Variants in GTF2F1 observed in about 807,000 individuals in gnomAD.
The protein encoded by GTF2F1 is general transcription factor IIF 74 kDa subunit.
In GTF2F1, 39 loss-of-function variants were observed where a neutral mutation model predicts 63.5. The ratio of observed to expected loss-of-function variants is 0.61; its 90% confidence interval spans 0.48 to 0.80. The LOEUF (loss-of-function observed/expected upper bound fraction) is 0.80, where lower values mean the gene tolerates loss of function less well. Among genes scored for constraint, GTF2F1 ranks in the 30% least tolerant of loss-of-function variants. The pLI is 0.00. For missense variants in GTF2F1, 657 were observed against 718.3 expected, an observed-to-expected ratio of 0.91 and a Z score of 0.97; for synonymous variants, 287 against 285.3, an observed-to-expected ratio of 1.01 and a Z score of -0.06.
Position 6,383,432 on chromosome 19 carries a change from C to T in GTF2F1, c.561G>A (p.Gln187=). 1.9e-6 allele frequency: 3 copies of T among 1,614,222 alleles called. No homozygotes were observed. Among genetic ancestry groups the T allele is most frequent in the Non-Finnish European group, 2.5e-6 (3 of 1,180,038 alleles). Reference sequence around the variant, plus strand: ...TCTCCTTCTCCTCCTCATCCTCGTCCTGGTCCTGATCCTTGAGCCGCCGCT... The same window carrying T: ...TCTCCTTCTCCTCCTCATCCTCGTCTTGGTCCTGATCCTTGAGCCGCCGCT... ...MQQRRLKDQD[Q]DEDEEEKEKR... The change falls in exon 6 of 13, where the codon CAG becomes CAA. Residue 187 remains glutamine (Q), a synonymous_variant. Coordinates refer to ENST00000394456, the MANE Select transcript of GTF2F1 (RefSeq NM_002096.3). This position sits in a 1 kb window ranked among gnomAD's most constrained non-coding sequence, Gnocchi z 4.5.
rs778755795 is a variant in GTF2F1, at chr19:6,383,450, C to A, written c.543G>T (p.Arg181=). The A allele has an allele frequency of 6.2e-7, 1 of 1,614,172 alleles. No individual in the cohort carries two copies. Among genetic ancestry groups the A allele is most frequent in the Non-Finnish European group, 8.5e-7 (1 of 1,180,044 alleles). The change falls in exon 6 of 13, where the codon CGG becomes CGT. Residue 181 remains arginine (R), a synonymous_variant. Coordinates refer to ENST00000394456, the MANE Select transcript of GTF2F1 (RefSeq NM_002096.3). The surrounding 1 kb of genome is among the most constrained non-coding windows in gnomAD (Gnocchi z 4.5). The part of the protein sequence containing the change: ...LNHFSIMQQR[R]LKDQDQDEDE... ...CCTCGTCCTGGTCCTGATCCTTGAGCCGCCGCTGCTGCATGATGCTGAAGT... is the reference window on the plus strand; with the variant it reads ...CCTCGTCCTGGTCCTGATCCTTGAGACGCCGCTGCTGCATGATGCTGAAGT...
chr19:6,386,395 AACACAC>A lies in GTF2F1; in HGVS notation c.497+988_497+993del, dbSNP rs2091973953. Among the ~76,000 whole-genome samples the A allele has an allele frequency of 4.1e-5, 6 of 146,832 alleles. No individual in the cohort carries two copies. The South Asian group carries it at 6.8e-4, about 17-fold the overall frequency. On this transcript the variant is annotated intron_variant, in intron 5 of 12. Transcript: ENST00000394456. ...AAGAGCGAAACTCAGTTCAAAAAAAAACACACAAACAAACAAACAAACAAAAAAACA... is the reference window on the plus strand; with the variant it reads ...AAGAGCGAAACTCAGTTCAAAAAAAAAAACAAACAAACAAACAAAAAAACA...
rs528719561 is a variant in GTF2F1, at chr19:6,383,195, C to G, written c.682+116G>C. On this transcript the variant is annotated intron_variant, in intron 6 of 12. Transcript: ENST00000394456. The surrounding 1 kb of genome is among the most constrained non-coding windows in gnomAD (Gnocchi z 4.5). ...GGGATGACAGGCGTGAGCCACTGTG[C>G]CCGGCCCCACTTGCCTCTCATTCTA... 4.9e-5 allele frequency: 54 copies of G among 1,104,474 alleles called. No individual in the cohort carries two copies. The East Asian group carries it at 1.2e-3, about 25-fold the overall frequency. The allele number at this position is 1,104,474 out of a possible 1,614,324, so 68.4% of individuals were successfully genotyped here.
rs1398479666 is a variant in GTF2F1, at chr19:6,393,054, G to A, written c.-59C>T. On this transcript the variant is annotated 5_prime_UTR_variant, in exon 1 of 13. It adds an upstream start codon to the 5' untranslated region. Coordinates refer to ENST00000394456, the MANE Select transcript of GTF2F1 (RefSeq NM_002096.3). ...CCGGGTTCCTTTCGTCTCCTCTGGC[G>A]TGCGCGTCCCTCGATCCCGGGGAAG... The A allele has an allele frequency of 1.2e-5, 19 of 1,607,920 alleles. No homozygotes were observed. Among genetic ancestry groups the A allele is most frequent in the Non-Finnish European group, 1.5e-5 (18 of 1,176,910 alleles).
rs1043817579 is a variant in GTF2F1, at chr19:6,390,835, G to A, written c.132+1067C>T. On this transcript the variant is annotated intron_variant, in intron 3 of 12. Coordinates refer to ENST00000394456, the MANE Select transcript of GTF2F1 (RefSeq NM_002096.3). ...GTGGAGGTTGCAGTGAGCCCAGGTC[G>A]CGCCACTGCACTCCAGCCTGGATGA... Among the ~76,000 whole-genome samples the A allele has an allele frequency of 5.3e-5, 8 of 151,440 alleles. No individual in the cohort carries two copies. The East Asian group carries it at 5.8e-4, about 11-fold the overall frequency.
At position 6,389,642 on chromosome 19, in the gene GTF2F1, G is replaced by T; in HGVS notation, c.133-5C>A. 1.2e-6 allele frequency: 2 copies of T among 1,612,378 alleles called. No homozygotes were observed. Among genetic ancestry groups the T allele is most frequent in the Non-Finnish European group, 8.5e-7 (1 of 1,179,506 alleles). ...CAAGTCCCGCTCCAGCCGAGCCTAG[G>T]GGAGCAGGAAGCAAAGCCTCTCAGG... On this transcript the variant is annotated splice_region_variant and splice_polypyrimidine_tract_variant and intron_variant, in intron 3 of 12. Transcript: ENST00000394456.
chr19:6,382,751 T>G (rs749263718), intron 6 of GTF2F1, among the ~76,000 whole-genome samples: 7 of 149,436 alleles, frequency 4.7e-5, no homozygotes, highest in Non-Finnish European at 7.4e-5. Flanking sequence ...TAAGCTGTGA[T>G]TGTACCACTA....
Position 6,381,664 on chromosome 19 carries a change from T to TGGGGTC in GTF2F1, c.836+27_836+32dup. On this transcript the variant is annotated intron_variant, in intron 7 of 12. Transcript: ENST00000394456. The surrounding 1 kb of genome is among the most constrained non-coding windows in gnomAD (Gnocchi z 4.1). The stretch of plus-strand genomic sequence containing the variant: ...ATGAGCGCGCGCTCGCGAGGCTGCA[T>TGGGGTC]GGGGTCTCGCAGGCGCCTCCCGTCG... 6.2e-7 allele frequency: 1 copy of TGGGGTC among 1,614,056 alleles called. No homozygotes were observed. The highest frequency in any genetic ancestry group is 8.5e-7 in the Non-Finnish European group (1 of 1,180,016).
intron 6 of GTF2F1, among the ~76,000 whole-genome samples, chr19:6,382,346 A>C (rs1027692144): frequency 6.6e-6 from 1 of 151,988 alleles, no homozygotes; most frequent in African/African-American, 2.4e-5. Flanking sequence ...AAACACAAAA[A>C]TTAGGCCGGG....
At chr19:6,392,483 G>A in intron 2 of GTF2F1, 1 of 523,634 alleles carries the variant, frequency 1.9e-6, no homozygotes, top group African/African-American at 1.9e-5. Flanking sequence ...CACAGTTTAG[G>A]GGTTGAGGGG....
In GTF2F1 at chr19:6,383,828, G is replaced by A. The variant is rs912200309; in HGVS notation, c.498-333C>T. 6.6e-6 allele frequency among the ~76,000 whole-genome samples: 1 copy of A among 151,894 alleles called. No individual in the cohort carries two copies. On this transcript the variant is annotated intron_variant, in intron 5 of 12. Coordinates refer to ENST00000394456, the MANE Select transcript of GTF2F1 (RefSeq NM_002096.3). This position sits in a 1 kb window ranked among gnomAD's most constrained non-coding sequence, Gnocchi z 4.5. The stretch of plus-strand genomic sequence containing the variant: ...TTTTTATTTTCTGAGACAGAGTATC[G>A]CTCTGTCGCCCAGACTGGAGTGCAG...
intron 2 of GTF2F1, 56 bp downstream of exon 2, chr19:6,392,801 G>T (rs936972760): frequency 1.7e-5 from 26 of 1,534,994 alleles, no homozygotes; most frequent in Non-Finnish European, 2.1e-5. Context: ...AGAAGATCGT[G>T]AAGGTTTTCA....
chr19:6,387,612 C>A, intron 4 of GTF2F1, 53 bp from the exon 5 acceptor site: 1 of 1,298,410 alleles, frequency 7.7e-7, no homozygotes, highest in Non-Finnish European at 1.1e-6. Context: ...CCCAGCCCCC[C>A]CGTGTCCCCC....
Position 6,381,958 on chromosome 19 carries a change from C to T in GTF2F1, c.683-108G>A. On this transcript the variant is annotated intron_variant, in intron 6 of 12. Coordinates refer to ENST00000394456, the MANE Select transcript of GTF2F1 (RefSeq NM_002096.3). This position sits in a 1 kb window ranked among gnomAD's most constrained non-coding sequence, Gnocchi z 4.1. The stretch of plus-strand genomic sequence containing the variant: ...AGTTTTGACATCCTGGGGGGCCTCA[C>T]TGACTGGGGAGACTACACCTCCAGG... 1 of 921,482 alleles carries T rather than the reference C, an allele frequency of 1.1e-6. No individual in the cohort carries two copies. Among genetic ancestry groups the T allele is most frequent in the South Asian group, 1.6e-5 (1 of 62,310 alleles). The allele number at this position is 921,482 out of a possible 1,614,324, so 57.1% of individuals were successfully genotyped here.
intron 4 of GTF2F1, among the ~76,000 whole-genome samples, chr19:6,387,782 G>A (rs1020253231): frequency 3.3e-5 from 5 of 150,660 alleles, no homozygotes; most frequent in African/African-American, 9.7e-5. Flanking sequence ...TGTGCACATC[G>A]GGATCATTTC....
rs555902730 is a variant in GTF2F1 at position 6,388,185 on chromosome 19, C to T, written c.327-626G>A. The stretch of plus-strand genomic sequence containing the variant: ...CCCCACGTAATCCGCCCGCCTCTGC[C>T]TCCCAAAGGGCTAGGATTACAGGCG... On this transcript the variant is annotated intron_variant, in intron 4 of 12. Transcript: ENST00000394456. 2.0e-5 allele frequency among the ~76,000 whole-genome samples: 3 copies of T among 152,168 alleles called. No individual in the cohort carries two copies. In the South Asian group the frequency reaches 6.2e-4, roughly 32 times the overall value.
In GTF2F1 at chr19:6,387,570, C is replaced by G; in HGVS notation, c.327-11G>C. On this transcript the variant is annotated splice_polypyrimidine_tract_variant and intron_variant, in intron 4 of 12. Coordinates refer to ENST00000394456, the MANE Select transcript of GTF2F1 (RefSeq NM_002096.3). ...TTGATGCCCTTGAACCTGCAGGGAG[C>G]CACGGTCATGGCCTGGCCCATAGGG... 1 of 1,613,014 alleles carries G rather than the reference C, an allele frequency of 6.2e-7. No homozygotes were observed.
At chr19:6,390,273 C>G (rs533792271) in intron 3 of GTF2F1, 1 of 149,378 alleles carries the variant, frequency 6.7e-6, no homozygotes, top group East Asian at 2.0e-4. Context: ...AAAGGCCAGG[C>G]GCGGTGGCTC....
chr19:6,390,984 A>C (rs1392191359), intron 3 of GTF2F1, among the ~76,000 whole-genome samples: 2 of 152,222 alleles, frequency 1.3e-5, no homozygotes, highest in African/African-American at 2.4e-5. Context: ...CTACATGGCT[A>C]ATGTGATCCG....
Sources: allele counts gnomAD v4.1 joint callset (sites outside exome capture counted in the v4.1 genomes callset), GRCh38; gene constraint gnomAD v4.1.1; non-coding constraint Gnocchi (gnomAD v3.1); transcripts MANE v1.5; gene names NCBI Gene and HGNC (gene_info 2026-07-23, HGNC 2026-07-21).